VAV2: variants seen among roughly 807,000 people sequenced by gnomAD.
The protein encoded by VAV2 is guanine nucleotide exchange factor VAV2.
VAV2 carries 67 observed loss-of-function variants against 132.5 expected under a neutral mutation model. The ratio of observed to expected loss-of-function variants is 0.51; its 90% CI spans 0.42 to 0.62. The LOEUF is 0.62. VAV2 is among the 20% of genes least tolerant of loss of function. The pLI is 0.00. For synonymous variants in VAV2, 492 were observed against 443.5 expected, an observed-to-expected ratio of 1.11 and a Z score of -1.37; for missense variants, 938 against 1,153.6, an observed-to-expected ratio of 0.81 and a Z score of 2.71.
At chr9:133,988,994 A>C (rs1349227292) in intron 1 of VAV2, among the ~76,000 whole-genome samples, 1 of 151,912 alleles carries the variant, frequency 6.6e-6, no homozygotes, top group Non-Finnish European at 1.5e-5. Context: ...GGTGGATCAC[A>C]AGGACAGGAG....
chr9:133,869,710 G>T (rs1042522933), intron 2 of VAV2, among the ~76,000 whole-genome samples: 9 of 152,160 alleles, frequency 5.9e-5, no homozygotes, highest in African/African-American at 1.9e-4. Context: ...AGGCTCTGCC[G>T]ATCAGAAGAG....
intron 2 of VAV2, among the ~76,000 whole-genome samples, chr9:133,917,923 C>T (rs1259314933): frequency 1.3e-5 from 2 of 151,928 alleles, no homozygotes; most frequent in African/African-American, 4.8e-5. Flanking sequence ...TCCCCCCACC[C>T]TCCCGGCTGA....
chr9:133,990,833 G>A (rs531825016), intron 1 of VAV2, among the ~76,000 whole-genome samples: 1 of 152,092 alleles, frequency 6.6e-6, no homozygotes, highest in Admixed American at 6.6e-5. Context: ...TGGCTCCCAG[G>A]GAGGCCTCTG....
chr9:133,862,744 C>A (rs1837648545), intron 2 of VAV2, among the ~76,000 whole-genome samples: 1 of 152,240 alleles, frequency 6.6e-6, no homozygotes. Context: ...GGCCATCCTG[C>A]GCTGCACATT....
At chr9:133,785,943 A>G in intron 16 of VAV2, 58 bp from the exon 17 acceptor site, 2 of 1,467,092 alleles carry the variant, frequency 1.4e-6, no homozygotes, top group Non-Finnish European at 1.9e-6. Context: ...ATCCTGGCAC[A>G]TGTCCACGTG....
intron 29 of VAV2, among the ~76,000 whole-genome samples, chr9:133,764,622 G>A (rs956739065): frequency 6.6e-6 from 1 of 152,192 alleles, no homozygotes; most frequent in Admixed American, 6.5e-5. Context: ...TACGATGAAT[G>A]AAATGAAGAA....
chr9:133,949,657 C>G (rs1303410753), intron 1 of VAV2, among the ~76,000 whole-genome samples: 3 of 152,328 alleles, frequency 2.0e-5, no homozygotes, highest in Non-Finnish European at 4.4e-5. Context: ...CCAGAAGACT[C>G]AGAGGGCCCA....
intron 8 of VAV2, among the ~76,000 whole-genome samples, chr9:133,807,055 G>A (rs972991078): frequency 1.1e-4 from 17 of 152,222 alleles, no homozygotes; most frequent in Admixed American, 2.0e-4. Flanking sequence ...GCAGACAAGC[G>A]GAGCCCAGAA....
At chr9:133,957,322 GA>G (rs1403698559) in intron 1 of VAV2, among the ~76,000 whole-genome samples, 1 of 152,092 alleles carries the variant, frequency 6.6e-6, no homozygotes, top group Non-Finnish European at 1.5e-5. Flanking sequence ...TGAGGGCAGG[GA>G]AGTAGAATAA....
chr9:133,850,623 C>A (rs550652650), intron 3 of VAV2, among the ~76,000 whole-genome samples: 1 of 152,314 alleles, frequency 6.6e-6, no homozygotes, highest in East Asian at 1.9e-4. Context: ...AAAGATCCTT[C>A]TGGTATGAAT....
At chr9:133,907,876 C>T (rs1297814119) in intron 2 of VAV2, among the ~76,000 whole-genome samples, 15 of 127,984 alleles carry the variant, frequency 1.2e-4, no homozygotes, top group African/African-American at 4.5e-4. Context: ...TCCTTTACCG[C>T]CCTCCCCCAG....
chr9:133,987,125 G>A (rs980340421), intron 1 of VAV2, among the ~76,000 whole-genome samples: 2 of 152,262 alleles, frequency 1.3e-5, no homozygotes, highest in South Asian at 4.1e-4. Context: ...TGCCTTGGAG[G>A]GGCTCAGACC....
rs1838637830 is a variant in VAV2 at position 133,884,831 on chromosome 9, G to A, written c.322-23399C>T. On this transcript the variant is annotated intron_variant, in intron 2 of 29. Coordinates refer to ENST00000371850, the MANE Select transcript of VAV2 (RefSeq NM_001134398.2). This position sits in a 1 kb window ranked among gnomAD's most constrained non-coding sequence, Gnocchi z 5.3. ...CAGGGAAGGAAGCACCACTGGGCAGGCAGCTCTATCAGAGACCACAGGTGC... is the reference window on the plus strand; with the variant it reads ...CAGGGAAGGAAGCACCACTGGGCAGACAGCTCTATCAGAGACCACAGGTGC... 2.0e-5 allele frequency among the ~76,000 whole-genome samples: 3 copies of A among 152,074 alleles called. No homozygotes were observed. The highest frequency in any genetic ancestry group is 2.0e-4 in the Admixed American group (3 of 15,266).
At chr9:133,868,288 A>G (rs7855970) in intron 2 of VAV2, among the ~76,000 whole-genome samples, 10,669 of 152,232 alleles carry the variant, frequency 0.07, 995 homozygotes, top group African/African-American at 0.21. Context: ...CCGCATCCCC[A>G]TGAGGTGGGG....
chr9:133,931,850 G>C (rs1027891780), intron 2 of VAV2, among the ~76,000 whole-genome samples: 1 of 152,206 alleles, frequency 6.6e-6, no homozygotes, highest in African/African-American at 2.4e-5. Context: ...TGGGGAGGGA[G>C]GACAGCGAGG....
intron 2 of VAV2, among the ~76,000 whole-genome samples, chr9:133,877,804 G>A (rs1173206723): frequency 2.0e-5 from 3 of 152,156 alleles, no homozygotes; most frequent in Admixed American, 2.0e-4. Flanking sequence ...ATGGGAAGGG[G>A]ACTAATAACT....
At chr9:133,892,928 C>G (rs907120372) in intron 2 of VAV2, among the ~76,000 whole-genome samples, 1 of 152,228 alleles carries the variant, frequency 6.6e-6, no homozygotes, top group Non-Finnish European at 1.5e-5. Flanking sequence ...AGCCCACCCC[C>G]AGAATTATCA....
chr9:133,855,413 C>T (rs1171446034), intron 3 of VAV2, among the ~76,000 whole-genome samples: 3 of 152,240 alleles, frequency 2.0e-5, no homozygotes, highest in African/African-American at 7.2e-5. Context: ...GCAGCCCTCA[C>T]CACTGCACAA....
chr9:133,779,521 CTT>C (rs889783104), intron 21 of VAV2, among the ~76,000 whole-genome samples: 6 of 152,248 alleles, frequency 3.9e-5, no homozygotes, highest in African/African-American at 7.2e-5. Flanking sequence ...GAACACGATG[CTT>C]TTTACGCTGT....
Sources: gnomAD v4.1 joint callset for allele counts (sites outside exome capture counted in the v4.1 genomes callset) on GRCh38, gnomAD v4.1.1 for gene constraint, Gnocchi (gnomAD v3.1) non-coding constraint, MANE v1.5 for transcripts, NCBI Gene and HGNC (gene_info 2026-07-23, HGNC 2026-07-21) for gene names.